The following ADCY9 variants were observed in gnomAD, a reference collection of about 807,000 sequenced individuals.
ADCY9 encodes the protein adenylate cyclase type 9.
In ADCY9, 50 loss-of-function variants were observed where a neutral mutation model predicts 101.5. The observed-to-expected ratio is 0.49, with a 90% confidence interval of 0.39 to 0.62. ADCY9 has a LOEUF of 0.62. ADCY9 is among the 20% of genes least tolerant of loss of function. ADCY9 has a pLI of 0.00. For synonymous variants in ADCY9, 905 were observed against 769.3 expected (o/e 1.18, Z -2.92); for missense variants, 1,662 against 1,800.4 (o/e 0.92, Z 1.39).
At chr16:4,096,321 T>C (rs554024336) in intron 2 of ADCY9, among the ~76,000 whole-genome samples, 1 of 152,316 alleles carries the variant, frequency 6.6e-6, no homozygotes, top group East Asian at 1.9e-4. Context: ...ATGGTGGAGA[T>C]TTTAAGCATA....
intron 2 of ADCY9, among the ~76,000 whole-genome samples, chr16:4,029,525 C>T (rs117452206): frequency 0.011 from 1,714 of 152,194 alleles, 17 homozygotes; most frequent in Non-Finnish European, 0.018. Context: ...GGTTGGTGGA[C>T]CACCCGAGGT....
At chr16:4,040,001 T>C (rs1597184393) in intron 2 of ADCY9, among the ~76,000 whole-genome samples, 1 of 152,124 alleles carries the variant, frequency 6.6e-6, no homozygotes, top group South Asian at 2.1e-4. Flanking sequence ...ATTGCACCAC[T>C]GCACTCCAGG....
intron 2 of ADCY9, among the ~76,000 whole-genome samples, chr16:4,026,736 G>T (rs2056518162): frequency 6.6e-6 from 1 of 152,136 alleles, no homozygotes; most frequent in Non-Finnish European, 1.5e-5. Flanking sequence ...GAAGAAACCA[G>T]TCTTCAAAGG....
chr16:4,046,440 T>TTG (rs140459068), intron 2 of ADCY9, among the ~76,000 whole-genome samples: 2 of 152,116 alleles, frequency 1.3e-5, no homozygotes, highest in Non-Finnish European at 2.9e-5. Flanking sequence ...CACACGTTGC[T>TTG]TGTGTGTGTG....
intron 10 of ADCY9, among the ~76,000 whole-genome samples, chr16:3,972,293 G>A (rs1233837686): frequency 2.7e-5 from 4 of 150,902 alleles, no homozygotes; most frequent in South Asian, 2.1e-4. Flanking sequence ...GCAGTGGTGC[G>A]ATCTAGGCTC....
intron 3 of ADCY9, among the ~76,000 whole-genome samples, chr16:3,994,282 C>G (rs1314604539): frequency 6.6e-6 from 1 of 152,162 alleles, no homozygotes; most frequent in Non-Finnish European, 1.5e-5. Flanking sequence ...GACTTCCCAG[C>G]CTCCAGAACC....
intron 10 of ADCY9, among the ~76,000 whole-genome samples, chr16:3,973,056 T>C (rs913620836): frequency 1.3e-5 from 2 of 152,250 alleles, no homozygotes; most frequent in Non-Finnish European, 2.9e-5. Flanking sequence ...TACCTAGTTG[T>C]ACCTATAGTA....
At chr16:4,054,637 C>G (rs911185953) in intron 2 of ADCY9, among the ~76,000 whole-genome samples, 4 of 151,478 alleles carry the variant, frequency 2.6e-5, no homozygotes, top group Admixed American at 2.0e-4. Context: ...GTGGCACAAT[C>G]TCGGCTCACT....
intron 5 of ADCY9, among the ~76,000 whole-genome samples, chr16:3,954,358 C>G (rs947073455): frequency 3.3e-5 from 5 of 152,152 alleles, no homozygotes; most frequent in Non-Finnish European, 7.4e-5. Flanking sequence ...TTGGGTGGGG[C>G]TCTCTGGGCC....
At chr16:4,007,268 T>C (rs776493627) in intron 3 of ADCY9, 100 bp downstream of exon 3, 33 of 1,013,450 alleles carry the variant, frequency 3.3e-5, no homozygotes, top group Non-Finnish European at 4.1e-5. Flanking sequence ...CATTCCAAGT[T>C]GTTTGCCTCA....
chr16:3,970,315 G>A (rs1169640712), intron 10 of ADCY9, among the ~76,000 whole-genome samples: 1 of 152,112 alleles, frequency 6.6e-6, no homozygotes, highest in Non-Finnish European at 1.5e-5. Context: ...ACAGGGATGA[G>A]CCACCACGCC....
chr16:4,114,040 C>A lies in ADCY9; in HGVS notation c.1403G>T (p.Gly468Val). Residue 468 changes from glycine to valine, a missense_variant, in exon 2 of 11, where the codon GGC becomes GTC. Physicochemically the swap from Gly to Val is moderately radical, Grantham distance 109. Coordinates refer to ENST00000294016, the MANE Select transcript of ADCY9 (RefSeq NM_001116.4). The surrounding 1 kb of genome is among the most constrained non-coding windows in gnomAD (Gnocchi z 4.3). ...HAYCCIEMGL[G>V]MIKAIEQFCQ... ...GAACTGCTCGATGGCCTTGATCATGCCCAGGCCCATCTCGATGCAGCAGTA... is the reference window on the plus strand; with the variant it reads ...GAACTGCTCGATGGCCTTGATCATGACCAGGCCCATCTCGATGCAGCAGTA... 1 of 1,613,842 alleles carries A rather than the reference C, an allele frequency of 6.2e-7. No individual in the cohort carries two copies. The highest frequency in any genetic ancestry group is 8.5e-7 in the Non-Finnish European group (1 of 1,180,038).
intron 2 of ADCY9, among the ~76,000 whole-genome samples, chr16:4,009,438 T>C (rs2238448): frequency 0.43 from 65,311 of 151,948 alleles, 15,967 homozygotes; most frequent in East Asian, 0.55. Context: ...TCTTTCTTTT[T>C]TGAGATGGGG....
intron 2 of ADCY9, among the ~76,000 whole-genome samples, chr16:4,040,646 G>A (rs971491767): frequency 1.3e-4 from 20 of 151,980 alleles, no homozygotes; most frequent in African/African-American, 4.8e-4. Flanking sequence ...TAGTAGAGAC[G>A]AGATTTCACC....
At chr16:3,958,078 G>A (rs955477740), downstream of ADCY9, among the ~76,000 whole-genome samples, 7 of 152,136 alleles carry the variant, frequency 4.6e-5, no homozygotes, top group African/African-American at 1.4e-4. Flanking sequence ...TGGCAGAGAC[G>A]TCTGGGTCCC....
At position 4,096,943 on chromosome 16, in the gene ADCY9, T is replaced by C. The variant is rs28618126; in HGVS notation, c.1693+16807A>G. Among the ~76,000 whole-genome samples, 397 of 152,208 alleles carry C rather than the reference T, an allele frequency of 2.6e-3. 3 individuals carry two copies. Among genetic ancestry groups the C allele is most frequent in the African/African-American group, 9.2e-3 (383 of 41,524 alleles). ...AGCATTACATAAAAATCCTGGAAAT[T>C]ATGCACAAAGACTACCCTGGAGCTT... On this transcript the variant is annotated intron_variant, in intron 2 of 10. Transcript: ENST00000294016.
intron 6 of ADCY9, among the ~76,000 whole-genome samples, chr16:3,988,275 G>A (rs868510337): frequency 6.6e-6 from 1 of 151,992 alleles, no homozygotes; most frequent in South Asian, 2.1e-4. Context: ...CGGTGGGGGC[G>A]GGAGAGGGAA....
chr16:3,979,577 G>A (rs1449506268), intron 7 of ADCY9, among the ~76,000 whole-genome samples: 3 of 152,244 alleles, frequency 2.0e-5, no homozygotes, highest in African/African-American at 4.8e-5. Context: ...CACAGGCCCT[G>A]AGGAGAGTCT....
downstream of ADCY9, among the ~76,000 whole-genome samples, chr16:3,958,153 ACT>A (rs2055917773): frequency 6.6e-6 from 1 of 151,570 alleles, no homozygotes; most frequent in African/African-American, 2.4e-5. Flanking sequence ...ACCCTGAAAG[ACT>A]CTCACCAGCC....
Sources: gnomAD v4.1 joint callset for allele counts (sites outside exome capture counted in the v4.1 genomes callset) on GRCh38, gnomAD v4.1.1 for gene constraint, Gnocchi (gnomAD v3.1) non-coding constraint, MANE v1.5 for transcripts, NCBI Gene and HGNC (gene_info 2026-07-23, HGNC 2026-07-21) for gene names.